Variants in CFI observed in about 807,000 individuals in gnomAD.
CFI encodes complement factor I.
CFI carries 66 observed loss-of-function variants against 78.8 expected under a neutral mutation model. The observed-to-expected ratio is 0.84, with a 90% CI of 0.69 to 1.03. The LOEUF is 1.03. Ranked by LOEUF, CFI falls within the 50% of genes least tolerant of loss-of-function variation. CFI has a pLI of 0.00. For missense variants in CFI, 706 were observed against 704.5 expected (o/e 1.00, Z -0.02); for synonymous variants, 250 against 232.6 (o/e 1.07, Z -0.68).
At chr4:109,785,579 G>T (rs1213953393) in intron 1 of CFI, among the ~76,000 whole-genome samples, 3 of 151,866 alleles carry the variant, frequency 2.0e-5, no homozygotes, top group Non-Finnish European at 4.4e-5. Flanking sequence ...AATCAGCCTG[G>T]TGATCTACAA....
intron 3 of CFI, chr4:109,762,602 A>G (rs1359578605): frequency 6.6e-6 from 1 of 152,238 alleles, no homozygotes; most frequent in East Asian, 1.9e-4. Context: ...GGAAACAAAA[A>G]TAGAACAGTA....
chr4:109,746,591 A>G (rs1724490126), intron 10 of CFI, 89 bp from the exon 11 acceptor site: 1 of 1,159,376 alleles, frequency 8.6e-7, no homozygotes, highest in South Asian at 1.6e-5. Context: ...TTTCCCTTTT[A>G]AAAACCTTTT....
intron 1 of CFI, among the ~76,000 whole-genome samples, chr4:109,792,198 T>C (rs545800691): frequency 6.6e-6 from 1 of 152,354 alleles, no homozygotes; most frequent in South Asian, 2.1e-4. Flanking sequence ...ACTGGGCTTA[T>C]AGTGTTGTTC....
intron 1 of CFI, among the ~76,000 whole-genome samples, chr4:109,767,867 G>A (rs1354507676): frequency 6.6e-6 from 1 of 152,042 alleles, no homozygotes; most frequent in African/African-American, 2.4e-5. Context: ...CAATAGCAAA[G>A]ACTTGGAACC....
At position 109,761,586 on chromosome 4, in the gene CFI, T is replaced by A; in HGVS notation, c.589A>T (p.Thr197Ser). ...RGLETSLAEC[T>S]FTKRRTMGYQ... ...CCCATAGTTCTTCTCTTAGTAAAAG[T>A]ACATTCAGCCAAACTGGTCTCTAAT... The change falls in exon 4 of 13, where the codon ACT becomes TCT. Residue 197 changes from threonine to serine, a missense_variant. Transcript: ENST00000394634. The A allele has an allele frequency of 1.9e-6, 3 of 1,614,066 alleles. No homozygotes were observed. The highest frequency in any genetic ancestry group is 2.5e-6 in the Non-Finnish European group (3 of 1,179,956).
chr4:109,783,521 A>T (rs923213339), intron 1 of CFI, among the ~76,000 whole-genome samples: 5 of 151,996 alleles, frequency 3.3e-5, no homozygotes, highest in African/African-American at 1.2e-4. Context: ...AAATAAAAAA[A>T]TAGTAGATGT....
chr4:109,734,341 T>G, the CFI span, among the ~76,000 whole-genome samples: 1 of 152,096 alleles, frequency 6.6e-6, no homozygotes, highest in Non-Finnish European at 1.5e-5. Flanking sequence ...TATATTCTGG[T>G]GTGTCAAAGA....
intron 1 of CFI, among the ~76,000 whole-genome samples, chr4:109,779,977 C>A (rs1729792118): frequency 6.7e-6 from 1 of 149,196 alleles, no homozygotes; most frequent in Non-Finnish European, 1.5e-5. Context: ...TATATTTACA[C>A]CTTATAAAAA....
chr4:109,740,131 A>G (rs1197785215), downstream of CFI, among the ~76,000 whole-genome samples: 7 of 152,098 alleles, frequency 4.6e-5, no homozygotes, highest in East Asian at 1.4e-3. Context: ...CCTCTCTACA[A>G]AAATTTAAAA....
Position 109,749,626 on chromosome 4 carries a change from T to A in CFI, c.941-24A>T, listed in dbSNP as rs1207312944. The A allele has an allele frequency of 2.8e-6, 4 of 1,445,444 alleles. No homozygotes were observed. The Admixed American group carries it at 6.7e-5, about 24-fold the overall frequency. 89.5% of individuals were successfully genotyped at this position (1,445,444 alleles called of 1,614,324 possible). A position where few individuals can be genotyped will look rare whatever the true frequency, so the allele number is the denominator to read the frequency against. On this transcript the variant is annotated intron_variant, in intron 8 of 12. Transcript: ENST00000394634. ...TTCTTCAAGAAAGGAAGAGATTACA[T>A]CATTATTATCTTGAACCCATTAGCG...
intron 7 of CFI, among the ~76,000 whole-genome samples, chr4:109,757,549 G>A (rs949847575): frequency 3.3e-5 from 5 of 152,146 alleles, no homozygotes; most frequent in African/African-American, 1.2e-4. Flanking sequence ...ACTCTGGATG[G>A]TGTTTTGGTC....
intron 1 of CFI, among the ~76,000 whole-genome samples, chr4:109,798,654 T>G (rs1372482378): frequency 2.6e-5 from 4 of 151,956 alleles, no homozygotes; most frequent in Non-Finnish European, 5.9e-5. Context: ...GGTTGAAAAT[T>G]TTTGGTTGAC....
intron 1 of CFI, among the ~76,000 whole-genome samples, chr4:109,783,534 G>T (rs537060332): frequency 2.6e-5 from 4 of 151,984 alleles, no homozygotes; most frequent in African/African-American, 9.6e-5. Context: ...GTAGATGTTG[G>T]TGTGGATGTG....
chr4:109,771,235 CA>C (rs571590964), intron 1 of CFI, among the ~76,000 whole-genome samples: 1 of 150,322 alleles, frequency 6.7e-6, no homozygotes, highest in African/African-American at 2.4e-5. Context: ...ACTCAAAATA[CA>C]AAAAAAATAA....
At chr4:109,799,962 C>A (rs1369378124) in intron 1 of CFI, among the ~76,000 whole-genome samples, 1 of 152,204 alleles carries the variant, frequency 6.6e-6, no homozygotes, top group African/African-American at 2.4e-5. Context: ...TCAACATTTT[C>A]TTAGGTGCTA....
intron 1 of CFI, among the ~76,000 whole-genome samples, chr4:109,767,826 T>G (rs1374371928): frequency 6.6e-6 from 1 of 152,036 alleles, no homozygotes; most frequent in Non-Finnish European, 1.5e-5. Context: ...TAAAGACACA[T>G]GCACACGTAT....
chr4:109,791,774 T>C (rs1731413846), intron 1 of CFI, among the ~76,000 whole-genome samples: 1 of 152,192 alleles, frequency 6.6e-6, no homozygotes, highest in East Asian at 1.9e-4. Context: ...TATTTCTGGG[T>C]CCTCTATTCT....
chr4:109,776,793 C>G (rs1729309615), intron 1 of CFI, among the ~76,000 whole-genome samples: 1 of 152,196 alleles, frequency 6.6e-6, no homozygotes, highest in Non-Finnish European at 1.5e-5. Flanking sequence ...ACTCTACAAG[C>G]CAGAAGAGAG....
downstream of CFI, among the ~76,000 whole-genome samples, chr4:109,738,637 T>C (rs1579144062): frequency 6.6e-6 from 1 of 152,198 alleles, no homozygotes; most frequent in East Asian, 1.9e-4. Flanking sequence ...ATGCAGGTTC[T>C]GCAGTTTCTC....
Sources: gnomAD v4.1 joint callset for allele counts (sites outside exome capture counted in the v4.1 genomes callset) on GRCh38, gnomAD v4.1.1 for gene constraint, MANE v1.5 for transcripts, NCBI Gene and HGNC (gene_info 2026-07-23, HGNC 2026-07-21) for gene names.